The following RBFOX3 variants were observed in gnomAD, a reference collection of about 807,000 sequenced individuals.
The protein encoded by RBFOX3 is RNA binding protein fox-1 homolog 3.
RBFOX3 carries 17 observed loss-of-function variants against 48.7 expected under a neutral mutation model. The observed-to-expected ratio is 0.35, with a 90% CI of 0.24 to 0.52. The LOEUF (loss-of-function observed/expected upper bound fraction) is 0.52. Ranked by LOEUF, RBFOX3 falls within the 20% of genes least tolerant of loss-of-function variation. The pLI, the probability that RBFOX3 is intolerant of heterozygous loss-of-function variation, is 0.94. For missense variants in RBFOX3, 382 were observed against 497.5 expected (o/e 0.77, Z 2.21); for synonymous variants, 212 against 209.5 (o/e 1.01, Z -0.10).
intron 2 of RBFOX3, among the ~76,000 whole-genome samples, chr17:79,321,365 C>T (rs1412752484): frequency 6.6e-6 from 1 of 152,198 alleles, no homozygotes; most frequent in African/African-American, 2.4e-5. Context: ...CGTAGAGAGG[C>T]TATGGCAGCC....
chr17:79,585,493 G>C (rs1195995649), intron 1 of RBFOX3, among the ~76,000 whole-genome samples: 1 of 152,078 alleles, frequency 6.6e-6, no homozygotes, highest in Non-Finnish European at 1.5e-5. Context: ...GGAGGCAGAA[G>C]TTGCAGTGAG....
chr17:79,523,657 G>A (rs2150016297), intron 1 of RBFOX3, among the ~76,000 whole-genome samples: 1 of 152,330 alleles, frequency 6.6e-6, no homozygotes, highest in Non-Finnish European at 1.5e-5. Context: ...GGAGCTTCAG[G>A]TGAACACGCA....
chr17:79,376,626 C>T (rs1263058929), intron 2 of RBFOX3, among the ~76,000 whole-genome samples: 1 of 152,216 alleles, frequency 6.6e-6, no homozygotes. Context: ...TGCGTGTTTG[C>T]TCAGCTCTCA....
chr17:79,123,489 CAGG>C (rs995350323), intron 4 of RBFOX3, among the ~76,000 whole-genome samples: 2 of 151,876 alleles, frequency 1.3e-5, no homozygotes, highest in African/African-American at 4.8e-5. Context: ...CAGAACTAGT[CAGG>C]AGAACAAGGA....
chr17:79,285,861 T>C (rs1413790018), intron 3 of RBFOX3, among the ~76,000 whole-genome samples: 1 of 152,162 alleles, frequency 6.6e-6, no homozygotes, highest in Admixed American at 6.5e-5. Context: ...TTTTGTATTT[T>C]TAATAGAGAT....
intron 1 of RBFOX3, among the ~76,000 whole-genome samples, chr17:79,530,886 G>T (rs1479777111): frequency 1.3e-5 from 2 of 152,250 alleles, no homozygotes; most frequent in East Asian, 1.9e-4. Flanking sequence ...AGTAACTCAC[G>T]TTGTAAATAT....
intron 4 of RBFOX3, among the ~76,000 whole-genome samples, chr17:79,148,203 G>A (rs976470247): frequency 2.0e-5 from 3 of 152,214 alleles, no homozygotes; most frequent in African/African-American, 7.2e-5. Context: ...TTCTGTGCCT[G>A]GAGTCTCCAT....
At chr17:79,561,455 T>C (rs1368042192) in intron 1 of RBFOX3, among the ~76,000 whole-genome samples, 3 of 152,090 alleles carry the variant, frequency 2.0e-5, no homozygotes, top group Admixed American at 6.5e-5. Flanking sequence ...CAGATTCAGA[T>C]GACAGAGAGC....
intron 4 of RBFOX3, among the ~76,000 whole-genome samples, chr17:79,224,673 T>C (rs1600101189): frequency 6.6e-6 from 1 of 152,318 alleles, no homozygotes; most frequent in East Asian, 1.9e-4. Context: ...GGAGTCATCG[T>C]CCCTCCAGCT....
chr17:79,339,399 A>G (rs1174984417), intron 2 of RBFOX3, among the ~76,000 whole-genome samples: 3 of 152,122 alleles, frequency 2.0e-5, no homozygotes, highest in Non-Finnish European at 2.9e-5. Context: ...ATTGTTCTCA[A>G]AGTGAGAATT....
intron 3 of RBFOX3, among the ~76,000 whole-genome samples, chr17:79,298,634 C>T (rs1011032704): frequency 7.9e-5 from 12 of 152,220 alleles, no homozygotes; most frequent in East Asian, 3.9e-4. Flanking sequence ...CAGAACCTGC[C>T]GAGGAAGCCA....
rs76307786 is a variant in RBFOX3 at position 79,477,495 on chromosome 17, G to A, written c.-175+4959C>T. On this transcript the variant is annotated intron_variant, in intron 2 of 14. Transcript: ENST00000693108. The surrounding 1 kb of genome is among the most constrained non-coding windows in gnomAD (Gnocchi z 4.8). ...GGCGTGAACCCGGGAGGCGGAGTTT[G>A]CAGTGAGCTGAGATCGCCCCATCGC... Among the ~76,000 whole-genome samples, 16 of 152,120 alleles carry A rather than the reference G, an allele frequency of 1.1e-4. No homozygotes were observed. The East Asian group carries it at 1.8e-3, about 17-fold the overall frequency.
intron 1 of RBFOX3, among the ~76,000 whole-genome samples, chr17:79,597,471 C>T (rs1053916082): frequency 6.6e-6 from 1 of 152,204 alleles, no homozygotes; most frequent in Non-Finnish European, 1.5e-5. Flanking sequence ...CCTCTGCCGT[C>T]GTCCTGTGTG....
At chr17:79,522,389 C>T (rs908006619) in intron 1 of RBFOX3, among the ~76,000 whole-genome samples, 12 of 152,294 alleles carry the variant, frequency 7.9e-5, no homozygotes, top group East Asian at 1.9e-4. Context: ...CCAAACTTCA[C>T]GTCCAGACAC....
intron 3 of RBFOX3, among the ~76,000 whole-genome samples, chr17:79,256,013 A>T (rs1302213297): frequency 1.3e-5 from 2 of 151,830 alleles, no homozygotes; most frequent in African/African-American, 4.8e-5. Flanking sequence ...GCCTGGTCAT[A>T]GTCCTCTAGG....
intron 2 of RBFOX3, among the ~76,000 whole-genome samples, chr17:79,450,473 A>G (rs1015534551): frequency 1.3e-5 from 2 of 152,040 alleles, no homozygotes; most frequent in African/African-American, 2.4e-5. Flanking sequence ...ACTCCAGGAA[A>G]ACGAATCACC....
At chr17:79,334,879 C>G (rs984396437) in intron 2 of RBFOX3, among the ~76,000 whole-genome samples, 1 of 152,256 alleles carries the variant, frequency 6.6e-6, no homozygotes, top group African/African-American at 2.4e-5. Flanking sequence ...ACCCCCCAAC[C>G]AGCCCAGCCC....
intron 4 of RBFOX3, among the ~76,000 whole-genome samples, chr17:79,207,189 A>G (rs1244499489): frequency 6.6e-6 from 1 of 152,250 alleles, no homozygotes; most frequent in Non-Finnish European, 1.5e-5. Flanking sequence ...TTTACGATTC[A>G]GAAAACAGAG....
chr17:79,456,270 G>A (rs902189747), intron 2 of RBFOX3, among the ~76,000 whole-genome samples: 10 of 151,864 alleles, frequency 6.6e-5, no homozygotes, highest in East Asian at 1.9e-4. Flanking sequence ...CCCTCGTCCC[G>A]CCAACTCTGT....
Sources: gnomAD v4.1 joint callset for allele counts (sites outside exome capture counted in the v4.1 genomes callset) on GRCh38, gnomAD v4.1.1 for gene constraint, Gnocchi (gnomAD v3.1) non-coding constraint, MANE v1.5 for transcripts, NCBI Gene and HGNC (gene_info 2026-07-23, HGNC 2026-07-21) for gene names.